INKA2: variants seen among roughly 807,000 people sequenced by gnomAD.
The protein encoded by INKA2 is inka box actin regulator 2, also known as PAK4-inhibitor INKA2.
In INKA2, 3 loss-of-function variants were observed where a neutral mutation model predicts 9.8. The observed-to-expected ratio is 0.31, with a 90% CI of 0.14 to 0.79. The LOEUF (loss-of-function observed/expected upper bound fraction) is 0.79. Ranked by LOEUF, INKA2 falls within the 30% of genes least tolerant of loss-of-function variation. INKA2 has a pLI of 0.62. For synonymous variants in INKA2, 147 were observed against 143.3 expected (o/e 1.03, Z -0.18); for missense variants, 392 against 384.4 (o/e 1.02, Z -0.17).
At position 111,726,794 on chromosome 1, in the gene INKA2, C is replaced by T; in HGVS notation, c.*174G>A. 1.4e-6 allele frequency: 1 copy of T among 711,292 alleles called. No individual in the cohort carries two copies. Among genetic ancestry groups the T allele is most frequent in the African/African-American group, 1.8e-5 (1 of 56,388 alleles). 44.1% of individuals were successfully genotyped at this position (711,292 alleles called of 1,614,324 possible). ...AGCTAGCCCCCAAGACAGCCTCTCC[C>T]AACCACCTTCCCTTCAGTCCTGAGC... On this transcript the variant is annotated 3_prime_UTR_variant, in exon 2 of 2. Transcript: ENST00000357260.
chr1:111,745,291 A>AT (rs1300146205), intron 1 of INKA2: 588 of 49,310 alleles, frequency 0.012, 8 homozygotes, highest in African/African-American at 0.025. Flanking sequence ...ATATATATAT[A>AT]TATTTTTTTT....
chr1:111,739,418 C>T, upstream of INKA2: 1 of 1,464,264 alleles, frequency 6.8e-7, no homozygotes, highest in Non-Finnish European at 9.0e-7. Flanking sequence ...GCTAGCCGCG[C>T]GCGGTCGGTG....
chr1:111,748,490 A>T (rs927163815), intron 1 of INKA2, among the ~76,000 whole-genome samples: 1 of 152,220 alleles, frequency 6.6e-6, no homozygotes, highest in East Asian at 1.9e-4. Flanking sequence ...TGCCAGGCCT[A>T]CTGGGAGGCA....
chr1:111,723,087 G>A lies in INKA2; in HGVS notation c.*3881C>T. ...CCAAGTCTAGTGCTCATACCATGGT[G>A]CTGGCAGAAGTGCCTTAACTGCACC... On this transcript the variant is annotated 3_prime_UTR_variant, in exon 2 of 2. Transcript: ENST00000357260. 3 of 701,838 alleles carry A rather than the reference G, an allele frequency of 4.3e-6. No individual in the cohort carries two copies. The highest frequency in any genetic ancestry group is 7.8e-6 in the Non-Finnish European group (3 of 384,530). The allele number at this position is 701,838 out of a possible 1,614,324, so 43.5% of individuals were successfully genotyped here. A position where few individuals can be genotyped will look rare whatever the true frequency, so the allele number is the denominator to read the frequency against.
upstream of INKA2, chr1:111,740,163 T>C (rs752793729): frequency 3.9e-5 from 6 of 152,306 alleles, no homozygotes; most frequent in Non-Finnish European, 7.3e-5. Context: ...GGGGTCGGGC[T>C]GCTTTCCCTG....
At chr1:111,736,143 A>G (rs1481768182) in intron 1 of INKA2, among the ~76,000 whole-genome samples, 3 of 152,168 alleles carry the variant, frequency 2.0e-5, no homozygotes, top group Non-Finnish European at 4.4e-5. Context: ...GGGAGAAAAG[A>G]GATGTGTTCC....
At chr1:111,730,812 C>A (rs958710694) in intron 1 of INKA2, among the ~76,000 whole-genome samples, 1 of 152,096 alleles carries the variant, frequency 6.6e-6, no homozygotes, top group African/African-American at 2.4e-5. Context: ...AGTATGTCAC[C>A]CCAGAACCTC....
At chr1:111,745,032 C>G (rs918488447) in intron 1 of INKA2, among the ~76,000 whole-genome samples, 1 of 151,724 alleles carries the variant, frequency 6.6e-6, no homozygotes, top group South Asian at 2.1e-4. Flanking sequence ...CCCAGGCTAT[C>G]TCATCTGAAC....
intron 1 of INKA2, among the ~76,000 whole-genome samples, chr1:111,750,970 G>A (rs896060665): frequency 1.3e-5 from 2 of 151,972 alleles, no homozygotes. Flanking sequence ...ATGCTTCCAC[G>A]CCTCTACACA....
At chr1:111,734,002 A>G (rs1662962269) in intron 1 of INKA2, among the ~76,000 whole-genome samples, 4 of 152,184 alleles carry the variant, frequency 2.6e-5, no homozygotes, top group Non-Finnish European at 5.9e-5. Context: ...AGCTAGGAGG[A>G]GGCTGAGGGC....
chr1:111,732,357 G>A (rs866427105), intron 1 of INKA2, among the ~76,000 whole-genome samples: 6 of 152,128 alleles, frequency 3.9e-5, no homozygotes, highest in East Asian at 3.9e-4. Flanking sequence ...ACAAAATCCC[G>A]AGCAGACATG....
intron 1 of INKA2, among the ~76,000 whole-genome samples, chr1:111,733,330 C>T (rs1662951380): frequency 6.6e-6 from 1 of 152,138 alleles, no homozygotes; most frequent in African/African-American, 2.4e-5. Flanking sequence ...CTGAGCACCA[C>T]CAGTGGTCCC....
At chr1:111,755,500 G>GATCATTAA in intron 1 of INKA2, 1 of 604,062 alleles carries the variant, frequency 1.7e-6, no homozygotes, top group East Asian at 3.0e-5. Flanking sequence ...AGGTGGCCGC[G>GATCATTAA]AAGCGAGACA....
chr1:111,742,294 ACT>A (rs1297128217), upstream of INKA2, among the ~76,000 whole-genome samples: 2 of 151,632 alleles, frequency 1.3e-5, no homozygotes, highest in Non-Finnish European at 2.9e-5. Context: ...TCCTTACAAA[ACT>A]CTCTTCTGGG....
At chr1:111,735,565 C>T (rs1230596207) in intron 1 of INKA2, among the ~76,000 whole-genome samples, 1 of 152,230 alleles carries the variant, frequency 6.6e-6, no homozygotes, top group East Asian at 1.9e-4. Context: ...TTATACTATG[C>T]ATTCTTCCCA....
At chr1:111,728,990 G>A (rs950886453) in intron 1 of INKA2, among the ~76,000 whole-genome samples, 3 of 148,282 alleles carry the variant, frequency 2.0e-5, no homozygotes, top group Non-Finnish European at 4.4e-5. Context: ...CATAGTGGAC[G>A]GCAGCCTCTA....
chr1:111,727,543 A>C lies in INKA2; in HGVS notation c.319T>G (p.Ser107Ala). The change falls in exon 2 of 2, where the codon TCC becomes GCC. Residue 107 changes from serine to alanine, a missense_variant. By Grantham distance (99) the Ser-to-Ala change is moderately conservative. Transcript: ENST00000357260. ...PSLGSSTKFP[S>A]HRSVCGRDLA... ...TCCCTTCCACAGACACTCCTATGGG[A>C]TGGAAACTTGGTGCTGCTGCCAAGA... 6.2e-7 allele frequency: 1 copy of C among 1,613,782 alleles called. No individual in the cohort carries two copies. The highest frequency in any genetic ancestry group is 1.3e-5 in the African/African-American group (1 of 75,008).
chr1:111,727,323 T>A lies in INKA2; in HGVS notation c.539A>T (p.Glu180Val). 6.2e-7 allele frequency: 1 copy of A among 1,614,104 alleles called. No individual in the cohort carries two copies. Among genetic ancestry groups the A allele is most frequent in the Non-Finnish European group, 8.5e-7 (1 of 1,179,994 alleles). Residue 180 changes from glutamate to valine, a missense_variant, in exon 2 of 2, where the codon GAG becomes GTG. Coordinates refer to ENST00000357260, the MANE Select transcript of INKA2 (RefSeq NM_019099.5). ...ACGTGCCCCCCCAGTCTCACCCTTC[T>A]CCCCACCCTTCTCCAGTTCTGGCAA... is the stretch of plus-strand genomic sequence containing the variant. ...LDLPELEKGG[E>V]KGETGGAREP...
Position 111,726,028 on chromosome 1 carries a change from CG to C in INKA2, c.*939del. The C allele has an allele frequency of 5.0e-6, 2 of 398,654 alleles. No homozygotes were observed. The highest frequency in any genetic ancestry group is 2.1e-5 in the African/African-American group (1 of 48,766). 24.7% of individuals were successfully genotyped at this position (398,654 alleles called of 1,614,324 possible). A position where few individuals can be genotyped will look rare whatever the true frequency, so the allele number is the denominator to read the frequency against. On this transcript the variant is annotated 3_prime_UTR_variant, in exon 2 of 2. Transcript: ENST00000357260. The stretch of plus-strand genomic sequence containing the variant: ...CTGGGATTACAGGCGTGAGCCACAG[CG>C]CCCAGCCTGCGGGGTGCTAAGAACT...
Sources: allele counts gnomAD v4.1 joint callset (sites outside exome capture counted in the v4.1 genomes callset), GRCh38; gene constraint gnomAD v4.1.1; transcripts MANE v1.5; gene names NCBI Gene and HGNC (gene_info 2026-07-23, HGNC 2026-07-21).